The following B3GNT2 variants were observed in gnomAD, a reference collection of about 807,000 sequenced individuals.
B3GNT2 encodes the protein UDP-GlcNAc:betaGal beta-1,3-N-acetylglucosaminyltransferase 2.
Under a neutral mutation model 27.6 loss-of-function variants are expected in B3GNT2, and 12 were observed. The ratio of observed to expected loss-of-function variants is 0.44; its 90% CI spans 0.28 to 0.71. The LOEUF is 0.71. B3GNT2 is among the 30% of genes least tolerant of loss of function. The probability of loss-of-function intolerance (pLI) is 0.17; values close to 1 mark genes in which losing one functional copy is unlikely to be tolerated. For synonymous variants in B3GNT2, 192 were observed against 189.7 expected, an observed-to-expected ratio of 1.01 and a Z score of -0.10; for missense variants, 413 against 488.5, an observed-to-expected ratio of 0.85 and a Z score of 1.46.
chr2:62,206,879 G>A (rs1008845934), intron 1 of B3GNT2, among the ~76,000 whole-genome samples: 4 of 152,134 alleles, frequency 2.6e-5, no homozygotes, highest in South Asian at 2.1e-4. Flanking sequence ...TGTCCCCTTC[G>A]CTGTAACCAA....
intron 1 of B3GNT2, among the ~76,000 whole-genome samples, chr2:62,198,868 T>C (rs1359155613): frequency 2.0e-5 from 3 of 152,230 alleles, no homozygotes; most frequent in Non-Finnish European, 4.4e-5. Flanking sequence ...ATGCAGGGCT[T>C]TTTCAGCTGA....
chr2:62,220,028 C>T (rs775205058), intron 1 of B3GNT2, among the ~76,000 whole-genome samples: 2 of 152,204 alleles, frequency 1.3e-5, no homozygotes, highest in East Asian at 3.9e-4. Context: ...GATCTTGTGG[C>T]CTCTGGCCAC....
At chr2:62,221,489 A>G (rs1347764513) in intron 1 of B3GNT2, among the ~76,000 whole-genome samples, 1 of 152,126 alleles carries the variant, frequency 6.6e-6, no homozygotes, top group African/African-American at 2.4e-5. Context: ...AGGTTGGAAA[A>G]TAACTCAGGG....
chr2:62,214,009 C>T (rs1340497120), intron 1 of B3GNT2, among the ~76,000 whole-genome samples: 1 of 152,070 alleles, frequency 6.6e-6, no homozygotes, highest in African/African-American at 2.4e-5. Context: ...GCAGAGGCAT[C>T]CTGATCAGGA....
At chr2:62,216,000 C>CTCGTTCTGTCCCTGGCTAGTTACTG (rs1674566341) in intron 1 of B3GNT2, among the ~76,000 whole-genome samples, 1 of 152,174 alleles carries the variant, frequency 6.6e-6, no homozygotes, top group African/African-American at 2.4e-5. Flanking sequence ...GTACGTATTG[C>CTCGTTCTGTCCCTGGCTAGTTACTG]TCGTTCTGTC....
At chr2:62,220,468 C>A (rs542030880) in intron 1 of B3GNT2, among the ~76,000 whole-genome samples, 2 of 152,330 alleles carry the variant, frequency 1.3e-5, no homozygotes, top group African/African-American at 4.8e-5. Context: ...TTACAGCATT[C>A]TCAGCATGAC....
intron 1 of B3GNT2, among the ~76,000 whole-genome samples, chr2:62,208,579 C>T (rs1674422849): frequency 6.6e-6 from 1 of 152,044 alleles, no homozygotes; most frequent in African/African-American, 2.4e-5. Flanking sequence ...GCTTAGGATA[C>T]TTATGGAGAA....
chr2:62,203,206 G>A (rs1351668276), intron 1 of B3GNT2, among the ~76,000 whole-genome samples: 2 of 152,148 alleles, frequency 1.3e-5, no homozygotes, highest in African/African-American at 2.4e-5. Flanking sequence ...TCAAACCAGG[G>A]CAGGGATAGT....
intron 1 of B3GNT2, among the ~76,000 whole-genome samples, chr2:62,210,652 C>T (rs1028711473): frequency 3.3e-5 from 5 of 151,944 alleles, no homozygotes; most frequent in African/African-American, 1.2e-4. Context: ...CGCCTACAGT[C>T]CCAGCTACTT....
rs780131409 is a variant in B3GNT2, at chr2:62,223,212, T to C, written c.992T>C (p.Ile331Thr). ...HITDQVHLYPIDDVYTGMCLQ... is the reference protein window; with the variant it reads ...HITDQVHLYPTDDVYTGMCLQ... ...ACTGACCAGGTCCATCTCTACCCCATTGATGACGTTTATACTGGAATGTGC... is the reference window on the plus strand; with the variant it reads ...ACTGACCAGGTCCATCTCTACCCCACTGATGACGTTTATACTGGAATGTGC... The change falls in exon 2 of 2, where the codon ATT (isoleucine) becomes ACT (threonine). Residue 331 changes from isoleucine to threonine, a missense_variant. Coordinates refer to ENST00000301998, the MANE Select transcript of B3GNT2 (RefSeq NM_006577.6). The C allele has an allele frequency of 2.5e-6, 4 of 1,614,222 alleles. No individual in the cohort carries two copies. Among genetic ancestry groups the C allele is most frequent in the South Asian group, 1.1e-5 (1 of 91,084 alleles).
chr2:62,222,514 T>C lies in B3GNT2; in HGVS notation c.294T>C (p.Pro98=). The part of the protein sequence containing the change: ...SNISHLNYCE[P]DLRVTSVVTG... Reference sequence around the variant, plus strand: ...TAAGCCATCTGAACTACTGCGAACCTGACCTGAGGGTCACGTCGGTGGTTA... The same window carrying C: ...TAAGCCATCTGAACTACTGCGAACCCGACCTGAGGGTCACGTCGGTGGTTA... Residue 98 remains proline (P), a synonymous_variant, in exon 2 of 2, where the codon CCT becomes CCC. Coordinates refer to ENST00000301998, the MANE Select transcript of B3GNT2 (RefSeq NM_006577.6). The surrounding 1 kb of genome is among the most constrained non-coding windows in gnomAD (Gnocchi z 4.2). 6.2e-7 allele frequency: 1 copy of C among 1,614,192 alleles called. No individual in the cohort carries two copies. The highest frequency in any genetic ancestry group is 8.5e-7 in the Non-Finnish European group (1 of 1,180,024).
intron 1 of B3GNT2, among the ~76,000 whole-genome samples, chr2:62,218,858 A>G (rs953365830): frequency 6.6e-6 from 1 of 152,240 alleles, no homozygotes; most frequent in Non-Finnish European, 1.5e-5. Context: ...AAGGCCATTC[A>G]TTAGTCCCTG....
chr2:62,222,478 G>A lies in B3GNT2; in HGVS notation c.258G>A (p.Arg86=). The A allele has an allele frequency of 6.2e-7, 1 of 1,614,070 alleles. No individual in the cohort carries two copies. Among genetic ancestry groups the A allele is most frequent in the South Asian group, 1.1e-5 (1 of 91,064 alleles). ...MLTNQTGEAG[R]LSNISHLNYC... ...CCAACCAGACGGGGGAGGCGGGCAGGCTCTCCAATATAAGCCATCTGAACT... is the reference window on the plus strand; with the variant it reads ...CCAACCAGACGGGGGAGGCGGGCAGACTCTCCAATATAAGCCATCTGAACT... Residue 86 remains arginine (R), a synonymous_variant, in exon 2 of 2, where the codon AGG becomes AGA. Coordinates refer to ENST00000301998, the MANE Select transcript of B3GNT2 (RefSeq NM_006577.6). This position sits in a 1 kb window ranked among gnomAD's most constrained non-coding sequence, Gnocchi z 4.2.
intron 1 of B3GNT2, among the ~76,000 whole-genome samples, chr2:62,200,135 G>A (rs1674238085): frequency 6.6e-6 from 1 of 152,098 alleles, no homozygotes; most frequent in South Asian, 2.1e-4. Context: ...CTGCCCACCA[G>A]CTTTGTCTTT....
intron 1 of B3GNT2, among the ~76,000 whole-genome samples, chr2:62,208,206 TC>T (rs1484582437): frequency 6.6e-6 from 1 of 150,872 alleles, no homozygotes; most frequent in African/African-American, 2.4e-5. Context: ...GATTCCTCCT[TC>T]CTTCCCCCCT....
intron 1 of B3GNT2, among the ~76,000 whole-genome samples, chr2:62,205,557 G>A (rs577311210): frequency 7.2e-5 from 11 of 152,190 alleles, no homozygotes; most frequent in South Asian, 2.1e-4. Flanking sequence ...GAGAAGAGGC[G>A]GGACAGGAAT....
intron 1 of B3GNT2, among the ~76,000 whole-genome samples, chr2:62,217,324 C>G (rs192507395): frequency 9.8e-5 from 15 of 152,304 alleles, no homozygotes; most frequent in African/African-American, 3.6e-4. Context: ...CCTGGCTCTA[C>G]CATTTACCAG....
chr2:62,222,391 A>G lies in B3GNT2; in HGVS notation c.171A>G (p.Ala57=), dbSNP rs763016470. 17 of 1,614,162 alleles carry G rather than the reference A, an allele frequency of 1.1e-5. No homozygotes were observed. In the African/African-American group the frequency reaches 1.3e-4, roughly 13 times the overall value. Residue 57 remains alanine, a synonymous_variant, in exon 2 of 2, where the codon GCA becomes GCG. Coordinates refer to ENST00000301998, the MANE Select transcript of B3GNT2 (RefSeq NM_006577.6). The surrounding 1 kb of genome is among the most constrained non-coding windows in gnomAD (Gnocchi z 4.2). ...GGAAGATATCTACCCCTCCCGAGGC[A>G]TACTGGAACCGAGAGCAAGAGAAGC... ...KFWKISTPPE[A]YWNREQEKLN... is the part of the protein sequence containing the mutation.
intron 1 of B3GNT2, among the ~76,000 whole-genome samples, chr2:62,199,212 T>G (rs917585448): frequency 5.9e-5 from 9 of 152,356 alleles, no homozygotes; most frequent in Admixed American, 4.6e-4. Context: ...GTGCTGGGAT[T>G]ACAGACGTAA....
Sources: gnomAD v4.1 joint callset for allele counts (sites outside exome capture counted in the v4.1 genomes callset) on GRCh38, gnomAD v4.1.1 for gene constraint, Gnocchi (gnomAD v3.1) non-coding constraint, MANE v1.5 for transcripts, NCBI Gene and HGNC (gene_info 2026-07-23, HGNC 2026-07-21) for gene names.